SMG6: variants seen among roughly 807,000 people sequenced by gnomAD.
SMG6 encodes the protein telomerase-binding protein EST1A.
A neutral mutation model predicts 142.2 loss-of-function variants in SMG6; 66 were observed. The observed-to-expected ratio is 0.46, with a 90% CI of 0.38 to 0.57. The LOEUF (loss-of-function observed/expected upper bound fraction) is 0.57. SMG6 is among the 20% of genes least tolerant of loss of function. SMG6 has a pLI of 0.00. For missense variants in SMG6, 1,793 were observed against 1,832.0 expected, an observed-to-expected ratio of 0.98 and a Z score of 0.39; for synonymous variants, 779 against 702.4, an observed-to-expected ratio of 1.11 and a Z score of -1.72.
intron 13 of SMG6, among the ~76,000 whole-genome samples, chr17:2,096,498 T>G (rs1055978155): frequency 6.6e-6 from 1 of 152,114 alleles, no homozygotes; most frequent in Non-Finnish European, 1.5e-5. Flanking sequence ...CGTGAGCCAC[T>G]GCGCCTGGCT....
chr17:2,164,580 C>A (rs2071277250), intron 13 of SMG6, among the ~76,000 whole-genome samples: 1 of 152,024 alleles, frequency 6.6e-6, no homozygotes, highest in African/African-American at 2.4e-5. Flanking sequence ...TGCACTCCAG[C>A]CTGAGTGACA....
At chr17:2,208,132 A>AAAAT (rs956560741) in intron 10 of SMG6, among the ~76,000 whole-genome samples, 8 of 152,098 alleles carry the variant, frequency 5.3e-5, no homozygotes, top group African/African-American at 9.7e-5. Flanking sequence ...GTGTCTCTCT[A>AAAAT]AAATAAATAA....
At chr17:2,252,647 T>C (rs2074073530) in intron 8 of SMG6, among the ~76,000 whole-genome samples, 1 of 152,196 alleles carries the variant, frequency 6.6e-6, no homozygotes, top group Non-Finnish European at 1.5e-5. Context: ...TACTGCTAAT[T>C]CCACAACCCT....
chr17:2,296,031 C>T (rs1263188219), intron 4 of SMG6, among the ~76,000 whole-genome samples: 1 of 152,182 alleles, frequency 6.6e-6, no homozygotes, highest in African/African-American at 2.4e-5. Context: ...TCTATCTCCA[C>T]TCTTGCCCAG....
At chr17:2,251,894 G>A (rs2074054402) in intron 8 of SMG6, among the ~76,000 whole-genome samples, 1 of 151,970 alleles carries the variant, frequency 6.6e-6, no homozygotes, top group Middle Eastern at 3.4e-3. Context: ...CTGAGGTCGG[G>A]AGTTCGAGAC....
At chr17:2,163,690 A>ATTTT (rs375744512) in intron 13 of SMG6, among the ~76,000 whole-genome samples, 1 of 143,710 alleles carries the variant, frequency 7.0e-6, no homozygotes, top group Non-Finnish European at 1.5e-5. Flanking sequence ...TTAATACTTC[A>ATTTT]TTTTTTTTTT....
chr17:2,238,306 T>C (rs948834422), intron 9 of SMG6, among the ~76,000 whole-genome samples: 1 of 152,198 alleles, frequency 6.6e-6, no homozygotes, highest in Non-Finnish European at 1.5e-5. Flanking sequence ...CATTTGCTTT[T>C]TTTCTCCACA....
intron 8 of SMG6, among the ~76,000 whole-genome samples, chr17:2,253,974 A>G (rs966186205): frequency 2.0e-5 from 3 of 152,234 alleles, no homozygotes; most frequent in Admixed American, 6.5e-5. Flanking sequence ...CTATCAAAGG[A>G]AAGTGCCAGA....
chr17:2,261,076 G>A (rs2074301287), intron 8 of SMG6, among the ~76,000 whole-genome samples: 1 of 152,054 alleles, frequency 6.6e-6, no homozygotes, highest in South Asian at 2.1e-4. Flanking sequence ...GGAGGCCCAG[G>A]AGGGCAGATC....
At chr17:2,244,022 T>C (rs1240023464) in intron 9 of SMG6, among the ~76,000 whole-genome samples, 1 of 152,132 alleles carries the variant, frequency 6.6e-6, no homozygotes, top group African/African-American at 2.4e-5. Context: ...CTCGGATCCA[T>C]CCAAGGAATA....
At chr17:2,096,242 C>T (rs865975529) in intron 13 of SMG6, among the ~76,000 whole-genome samples, 8 of 152,106 alleles carry the variant, frequency 5.3e-5, no homozygotes, top group African/African-American at 1.4e-4. Context: ...CTCACTGTAT[C>T]GCCCAGGCTG....
At position 2,299,565 on chromosome 17, in the gene SMG6, G is replaced by C. The variant is rs374794353; in HGVS notation, c.1188C>G (p.Asn396Lys). 2 of 1,614,118 alleles carry C rather than the reference G, an allele frequency of 1.2e-6. No individual in the cohort carries two copies. Among genetic ancestry groups the C allele is most frequent in the African/African-American group, 2.7e-5 (2 of 75,020 alleles). Residue 396 changes from asparagine (N) to lysine (K), a missense_variant, in exon 2 of 19, where the codon AAC (asparagine) becomes AAG (lysine). By Grantham distance (94) the Asn-to-Lys change is moderately conservative. Around this residue, in one of 3 missense-constraint regions of SMG6, gnomAD observed 1,597 missense variants for 1,584.6 expected, o/e 1.01. Transcript: ENST00000263073. The surrounding 1 kb of genome is among the most constrained non-coding windows in gnomAD (Gnocchi z 4.3). ...CACGACCCCGAAGTTCTTGTTTCGG[G>C]TTTTTGGACTCCTGCTTCTCAGAGC... ...GKGSEKQESK[N>K]PKQELRGRGR...
intron 10 of SMG6, among the ~76,000 whole-genome samples, chr17:2,210,082 C>G (rs2072803239): frequency 6.6e-6 from 1 of 151,990 alleles, no homozygotes; most frequent in Admixed American, 6.6e-5. Flanking sequence ...CCCCTTTGAC[C>G]CAATTTGGGA....
intron 13 of SMG6, among the ~76,000 whole-genome samples, chr17:2,118,149 G>A (rs2069564645): frequency 6.6e-6 from 1 of 152,058 alleles, no homozygotes; most frequent in Non-Finnish European, 1.5e-5. Flanking sequence ...AGGTTGAGGT[G>A]GGAGGATCAC....
chr17:2,085,785 G>C lies in SMG6; in HGVS notation c.3474C>G (p.Pro1158=). ...FKGGKYVSVA[P]VPDTMGKEMG... is the part of the protein sequence containing the mutation. ...TTTCCTTTCCCATGGTGTCTGGGAC[G>C]GGTGCCACTGACACATACTTTCCAC... Residue 1158 remains proline, a synonymous_variant, in exon 14 of 19, where the codon CCC becomes CCG. Coordinates refer to ENST00000263073, the MANE Select transcript of SMG6 (RefSeq NM_017575.5). This position sits in a 1 kb window ranked among gnomAD's most constrained non-coding sequence, Gnocchi z 4.1. 6.2e-7 allele frequency: 1 copy of C among 1,614,146 alleles called. No individual in the cohort carries two copies. Among genetic ancestry groups the C allele is most frequent in the Non-Finnish European group, 8.5e-7 (1 of 1,180,010 alleles).
At chr17:2,113,744 A>G (rs1340006253) in intron 13 of SMG6, among the ~76,000 whole-genome samples, 1 of 152,144 alleles carries the variant, frequency 6.6e-6, no homozygotes, top group Non-Finnish European at 1.5e-5. Context: ...ATTAATATCC[A>G]GCCTACAGGG....
intron 13 of SMG6, among the ~76,000 whole-genome samples, chr17:2,145,259 G>A (rs1008190798): frequency 1.3e-5 from 2 of 151,410 alleles, no homozygotes; most frequent in African/African-American, 2.4e-5. Context: ...GACTACAGGC[G>A]TGTGCCACCA....
intron 10 of SMG6, among the ~76,000 whole-genome samples, chr17:2,227,181 T>C (rs1319915613): frequency 6.6e-6 from 1 of 151,978 alleles, no homozygotes; most frequent in Admixed American, 6.6e-5. Context: ...TCTTACAGAG[T>C]TAAAGATACA....
chr17:2,236,783 C>T (rs1597675892), intron 9 of SMG6, 146 bp from the exon 10 acceptor site: 1 of 1,333,140 alleles, frequency 7.5e-7, no homozygotes, highest in Non-Finnish European at 9.6e-7. Context: ...CATTTCTTTG[C>T]TACTTTCACA....
Sources: gnomAD v4.1 joint callset for allele counts (sites outside exome capture counted in the v4.1 genomes callset) on GRCh38, gnomAD v4.1.1 for gene constraint, gnomAD v4.1.1 regional missense constraint, Gnocchi (gnomAD v3.1) non-coding constraint, MANE v1.5 for transcripts, NCBI Gene and HGNC (gene_info 2026-07-23, HGNC 2026-07-21) for gene names.